The following ST6GALNAC5 variants were observed in gnomAD, a reference collection of about 807,000 sequenced individuals.
ST6GALNAC5 encodes ST6 N-acetylgalactosaminide alpha-2,6-sialyltransferase 5.
Under a neutral mutation model 33.6 loss-of-function variants are expected in ST6GALNAC5, and 27 were observed. The observed-to-expected ratio is 0.80, with a 90% CI of 0.59 to 1.11. The LOEUF (loss-of-function observed/expected upper bound fraction) is 1.11, where lower values mean the gene tolerates loss of function less well. ST6GALNAC5 is among the 50% of genes least tolerant of loss of function. The pLI, the probability that ST6GALNAC5 is intolerant of heterozygous loss-of-function variation, is 0.00. For synonymous variants in ST6GALNAC5, 194 were observed against 171.2 expected, an observed-to-expected ratio of 1.13 and a Z score of -1.04; for missense variants, 428 against 454.0, an observed-to-expected ratio of 0.94 and a Z score of 0.52.
intron 4 of ST6GALNAC5, 126 bp downstream of exon 4, chr1:77,050,491 A>G (rs1652184691): frequency 1.3e-6 from 1 of 787,300 alleles, no homozygotes; most frequent in Admixed American, 2.5e-5. Context: ...AGCATGTCCC[A>G]AGTTCTCATT....
At chr1:76,902,708 T>C (rs544189410) in intron 2 of ST6GALNAC5, among the ~76,000 whole-genome samples, 3 of 152,254 alleles carry the variant, frequency 2.0e-5, no homozygotes, top group Admixed American at 1.3e-4. Flanking sequence ...ATTAGTGGGA[T>C]AGAATTGAGA....
At chr1:76,897,745 A>G (rs922255066) in intron 2 of ST6GALNAC5, among the ~76,000 whole-genome samples, 2 of 152,104 alleles carry the variant, frequency 1.3e-5, no homozygotes, top group African/African-American at 4.8e-5. Context: ...TCTCTGCCTA[A>G]TAAGGGAACT....
At chr1:76,881,565 T>C (rs1296533927) in intron 2 of ST6GALNAC5, among the ~76,000 whole-genome samples, 1 of 152,192 alleles carries the variant, frequency 6.6e-6, no homozygotes, top group Non-Finnish European at 1.5e-5. Flanking sequence ...ACCAGGCATT[T>C]TTTTTTCTCT....
At chr1:76,937,281 A>C (rs527324226) in intron 2 of ST6GALNAC5, among the ~76,000 whole-genome samples, 1 of 152,132 alleles carries the variant, frequency 6.6e-6, no homozygotes, top group African/African-American at 2.4e-5. Context: ...CTTTTCTCAA[A>C]GATAAAAGTT....
chr1:76,921,915 GGTAA>G (rs1234944424), intron 2 of ST6GALNAC5, among the ~76,000 whole-genome samples: 1 of 152,054 alleles, frequency 6.6e-6, no homozygotes, highest in Non-Finnish European at 1.5e-5. Context: ...TACCTAACAG[GGTAA>G]GACTGAATAC....
intron 2 of ST6GALNAC5, among the ~76,000 whole-genome samples, chr1:76,951,473 T>A (rs1647741220): frequency 6.6e-6 from 1 of 152,052 alleles, no homozygotes; most frequent in Non-Finnish European, 1.5e-5. Flanking sequence ...GGGGCCTGTT[T>A]TGGATCTGTA....
At chr1:76,969,616 G>A (rs192922789) in intron 2 of ST6GALNAC5, among the ~76,000 whole-genome samples, 4 of 152,302 alleles carry the variant, frequency 2.6e-5, no homozygotes, top group Admixed American at 2.6e-4. Flanking sequence ...TGAACAAAAG[G>A]CAGCAGAAAC....
intron 2 of ST6GALNAC5, among the ~76,000 whole-genome samples, chr1:76,874,858 A>T (rs1045075790): frequency 3.9e-5 from 6 of 152,156 alleles, no homozygotes; most frequent in Non-Finnish European, 7.4e-5. Context: ...ACCCAAACAC[A>T]TCTCCTGAGA....
chr1:76,979,696 G>A (rs1272245718), intron 2 of ST6GALNAC5, among the ~76,000 whole-genome samples: 1 of 152,212 alleles, frequency 6.6e-6, no homozygotes, highest in Non-Finnish European at 1.5e-5. Context: ...GGAGGCCAAG[G>A]CGGGCAGATC....
chr1:77,000,200 G>A (rs1159737109), intron 2 of ST6GALNAC5, among the ~76,000 whole-genome samples: 2 of 102,394 alleles, frequency 2.0e-5, no homozygotes, highest in African/African-American at 5.8e-5. Context: ...GTGTGAGATG[G>A]TATCTCACTG....
chr1:76,949,018 G>T (rs189659070), intron 2 of ST6GALNAC5, among the ~76,000 whole-genome samples: 1 of 152,134 alleles, frequency 6.6e-6, no homozygotes, highest in Non-Finnish European at 1.5e-5. Flanking sequence ...TTGTGGTCTA[G>T]CTGGTGTCAT....
At chr1:76,904,071 T>G (rs529197519) in intron 2 of ST6GALNAC5, among the ~76,000 whole-genome samples, 2 of 152,240 alleles carry the variant, frequency 1.3e-5, no homozygotes, top group South Asian at 4.1e-4. Context: ...ATTGTGAAAA[T>G]AAAACAGGAA....
chr1:76,981,038 T>G (rs1341964319), intron 2 of ST6GALNAC5, among the ~76,000 whole-genome samples: 1 of 152,090 alleles, frequency 6.6e-6, no homozygotes, highest in Non-Finnish European at 1.5e-5. Flanking sequence ...GATGGCCAAA[T>G]AGGAACAGCT....
intron 2 of ST6GALNAC5, among the ~76,000 whole-genome samples, chr1:76,960,349 G>T (rs1004117670): frequency 6.6e-6 from 1 of 152,110 alleles, no homozygotes; most frequent in African/African-American, 2.4e-5. Flanking sequence ...TATGAATAGG[G>T]TGTGGGTTAC....
At chr1:77,038,306 A>C (rs1243168742) in intron 2 of ST6GALNAC5, among the ~76,000 whole-genome samples, 1 of 152,200 alleles carries the variant, frequency 6.6e-6, no homozygotes, top group East Asian at 1.9e-4. Context: ...AATCACATTA[A>C]ATAATCAGCA....
intron 2 of ST6GALNAC5, among the ~76,000 whole-genome samples, chr1:76,878,365 C>T (rs970717402): frequency 6.6e-6 from 1 of 152,100 alleles, no homozygotes; most frequent in Non-Finnish European, 1.5e-5. Context: ...TGGGGACCCA[C>T]CAGACCCACT....
chr1:76,916,013 T>TAA (rs35703086), intron 2 of ST6GALNAC5, among the ~76,000 whole-genome samples: 11 of 146,994 alleles, frequency 7.5e-5, no homozygotes, highest in Non-Finnish European at 1.2e-4. Context: ...ATCTGCATTT[T>TAA]AAAAAAAAAA....
At chr1:77,010,254 G>A (rs918105987) in intron 2 of ST6GALNAC5, among the ~76,000 whole-genome samples, 1 of 152,320 alleles carries the variant, frequency 6.6e-6, no homozygotes, top group Admixed American at 6.5e-5. Context: ...CAGCACATTG[G>A]GAGGCCGAGG....
intron 2 of ST6GALNAC5, among the ~76,000 whole-genome samples, chr1:76,983,833 A>C (rs1259467406): frequency 6.6e-6 from 1 of 152,214 alleles, no homozygotes; most frequent in Non-Finnish European, 1.5e-5. Flanking sequence ...ACTGCAATCA[A>C]ATTAGAACTC....
Sources: gnomAD v4.1 joint callset for allele counts (sites outside exome capture counted in the v4.1 genomes callset) on GRCh38, gnomAD v4.1.1 for gene constraint, MANE v1.5 for transcripts, NCBI Gene and HGNC (gene_info 2026-07-23, HGNC 2026-07-21) for gene names.